DLG2: variants seen among roughly 807,000 people sequenced by gnomAD.
DLG2 encodes the protein disks large homolog 2.
A neutral mutation model predicts 132.5 loss-of-function variants in DLG2; 45 were observed. The ratio of observed to expected loss-of-function variants is 0.34; its 90% CI spans 0.27 to 0.44. DLG2 has a LOEUF of 0.44. DLG2 is among the 20% of genes least tolerant of loss of function. DLG2 has a pLI of 1.00. For missense variants in DLG2, 1,045 were observed against 1,196.9 expected, an observed-to-expected ratio of 0.87 and a Z score of 1.87; for synonymous variants, 424 against 419.6, an observed-to-expected ratio of 1.01 and a Z score of -0.13.
At chr11:84,691,837 C>T (rs1164376345) in intron 6 of DLG2, among the ~76,000 whole-genome samples, 2 of 151,632 alleles carry the variant, frequency 1.3e-5, no homozygotes, top group Non-Finnish European at 3.0e-5. Flanking sequence ...CTTAGCATGG[C>T]ATGCAAAAAT....
intron 11 of DLG2, among the ~76,000 whole-genome samples, chr11:84,041,972 T>A (rs761996405): frequency 6.6e-6 from 1 of 151,926 alleles, no homozygotes; most frequent in African/African-American, 2.4e-5. Context: ...TGTGCCACCA[T>A]GTGAGATGTG....
At chr11:83,737,229 T>C (rs2092013922) in intron 18 of DLG2, among the ~76,000 whole-genome samples, 1 of 152,214 alleles carries the variant, frequency 6.6e-6, no homozygotes, top group South Asian at 2.1e-4. Context: ...TGTGAAGCTG[T>C]AATAAAGTTA....
chr11:84,755,543 C>T lies in DLG2; in HGVS notation c.358-220812G>A, dbSNP rs547302659. Among the ~76,000 whole-genome samples, 459 of 152,346 alleles carry T rather than the reference C, an allele frequency of 3.0e-3. 3 individuals are homozygous for T. Among genetic ancestry groups the T allele is most frequent in the Non-Finnish European group, 4.4e-3 (296 of 68,036 alleles). On this transcript the variant is annotated intron_variant, in intron 6 of 27. Transcript: ENST00000376104. ...GGTTCAAGACATTCTCCTGCCTCAG[C>T]CTCCCAAGTAGCTGGGACTACAGGC... is the stretch of plus-strand genomic sequence containing the variant.
At chr11:84,818,340 T>C (rs368031696) in intron 6 of DLG2, among the ~76,000 whole-genome samples, 4 of 151,994 alleles carry the variant, frequency 2.6e-5, no homozygotes, top group African/African-American at 9.7e-5. Flanking sequence ...CATAAAGCTA[T>C]AGGAAACTTT....
chr11:83,566,425 T>G (rs2096709897), intron 19 of DLG2, among the ~76,000 whole-genome samples: 1 of 152,158 alleles, frequency 6.6e-6, no homozygotes. Flanking sequence ...CCTTTTCCCC[T>G]GCCCTCTGCA....
intron 7 of DLG2, among the ~76,000 whole-genome samples, chr11:84,478,803 C>T (rs937003279): frequency 3.3e-5 from 5 of 151,954 alleles, no homozygotes; most frequent in Admixed American, 3.3e-4. Context: ...TAGTAAAAAT[C>T]TAGGCTTAAG....
Position 84,249,996 on chromosome 11 carries a change from C to CGGATTGCA in DLG2, c.573+1234_573+1241dup, listed in dbSNP as rs557896454. Among the ~76,000 whole-genome samples, 541 of 152,206 alleles carry CGGATTGCA rather than the reference C, an allele frequency of 3.6e-3. 4 individuals are homozygous for CGGATTGCA. Among genetic ancestry groups the CGGATTGCA allele is most frequent in the African/African-American group, 0.012 (514 of 41,536 alleles). On this transcript the variant is annotated intron_variant, in intron 8 of 27. Coordinates refer to ENST00000376104, the MANE Select transcript of DLG2 (RefSeq NM_001142699.3). ...ATTCTGCTCCCCTGTGGCTGAGTCCCGGATTGCAGAACCTGCTCAGGACCG... is the reference window on the plus strand; with the variant it reads ...ATTCTGCTCCCCTGTGGCTGAGTCCCGGATTGCAGGATTGCAGAACCTGCTCAGGACCG...
rs188518905 is a variant in DLG2, at chr11:85,062,876, G to C, written c.357+48785C>G. Reference sequence around the variant, plus strand: ...TGAAATGAATAATCAACATAACAGAGAAATAAGCACACTAAGCAGTATACA... The same window carrying C: ...TGAAATGAATAATCAACATAACAGACAAATAAGCACACTAAGCAGTATACA... On this transcript the variant is annotated intron_variant, in intron 6 of 27. Transcript: ENST00000376104. 3.3e-5 allele frequency among the ~76,000 whole-genome samples: 5 copies of C among 151,724 alleles called. No homozygotes were observed. The East Asian group carries it at 9.8e-4, about 30-fold the overall frequency.
At chr11:85,188,857 T>C (rs904102140) in intron 4 of DLG2, among the ~76,000 whole-genome samples, 2 of 152,104 alleles carry the variant, frequency 1.3e-5, no homozygotes, top group Non-Finnish European at 2.9e-5. Context: ...TGGAGACCTC[T>C]AGGACAACAT....
chr11:85,299,156 A>G (rs1457892836), intron 3 of DLG2, among the ~76,000 whole-genome samples: 1 of 152,166 alleles, frequency 6.6e-6, no homozygotes, highest in African/African-American at 2.4e-5. Context: ...CTCATTTACT[A>G]TTCCCAATAC....
At chr11:85,168,274 G>A (rs985594956) in intron 4 of DLG2, among the ~76,000 whole-genome samples, 6 of 152,204 alleles carry the variant, frequency 3.9e-5, no homozygotes, top group African/African-American at 1.2e-4. Flanking sequence ...AAAATGAAGT[G>A]CAGACAACAT....
Position 83,703,456 on chromosome 11 carries a change from C to A in DLG2, c.1826-70131G>T, listed in dbSNP as rs555186731. On this transcript the variant is annotated intron_variant, in intron 18 of 27. Transcript: ENST00000376104. The stretch of plus-strand genomic sequence containing the variant: ...CCTGAGGTCGGGAGTTAGAGACCAG[C>A]CTGACCAACATGGAGAAACCCTGTC... 4.7e-4 allele frequency among the ~76,000 whole-genome samples: 72 copies of A among 152,232 alleles called. 1 individual carries two copies. Among genetic ancestry groups the A allele is most frequent in the African/African-American group, 1.7e-3 (71 of 41,548 alleles).
At chr11:85,184,561 T>C (rs989162183) in intron 4 of DLG2, among the ~76,000 whole-genome samples, 1 of 151,988 alleles carries the variant, frequency 6.6e-6, no homozygotes, top group Non-Finnish European at 1.5e-5. Flanking sequence ...GAGATATAAC[T>C]GTTATTAGAA....
intron 18 of DLG2, among the ~76,000 whole-genome samples, chr11:83,728,263 G>A (rs2090382791): frequency 6.6e-6 from 1 of 152,114 alleles, no homozygotes; most frequent in Admixed American, 6.6e-5. Flanking sequence ...CAAATCCATT[G>A]CTGACTCCCC....
chr11:84,687,732 T>C (rs1396991957), intron 6 of DLG2, among the ~76,000 whole-genome samples: 1 of 152,228 alleles, frequency 6.6e-6, no homozygotes, highest in Non-Finnish European at 1.5e-5. Context: ...AGTAAATTTC[T>C]TGAAGATCAT....
chr11:85,087,267 T>A (rs1363044123), intron 6 of DLG2, among the ~76,000 whole-genome samples: 1 of 152,020 alleles, frequency 6.6e-6, no homozygotes, highest in Non-Finnish European at 1.5e-5. Flanking sequence ...AATAAGTAAT[T>A]AGGAGTATGA....
At chr11:84,496,409 T>G (rs193290399) in intron 7 of DLG2, among the ~76,000 whole-genome samples, 1 of 152,248 alleles carries the variant, frequency 6.6e-6, no homozygotes, top group African/African-American at 2.4e-5. Flanking sequence ...GGTTGTTATA[T>G]TTTGTGCCTG....
At chr11:84,868,451 C>T (rs1410251815) in intron 6 of DLG2, among the ~76,000 whole-genome samples, 1 of 152,078 alleles carries the variant, frequency 6.6e-6, no homozygotes, top group Non-Finnish European at 1.5e-5. Flanking sequence ...AACTGGGATT[C>T]AATTTTTGGC....
At chr11:84,419,384 C>T (rs1363894699) in intron 7 of DLG2, among the ~76,000 whole-genome samples, 1 of 152,136 alleles carries the variant, frequency 6.6e-6, no homozygotes, top group African/African-American at 2.4e-5. Context: ...AGCATTTTAC[C>T]TTCATAAACA....
Sources: gnomAD v4.1 joint callset for allele counts (sites outside exome capture counted in the v4.1 genomes callset) on GRCh38, gnomAD v4.1.1 for gene constraint, MANE v1.5 for transcripts, NCBI Gene and HGNC (gene_info 2026-07-23, HGNC 2026-07-21) for gene names.